NKD1: variants seen among roughly 807,000 people sequenced by gnomAD.
NKD1 encodes the protein protein naked cuticle homolog 1.
In NKD1, 21 loss-of-function variants were observed where a neutral mutation model predicts 56.0. The observed-to-expected ratio is 0.38, with a 90% CI of 0.27 to 0.54. The LOEUF (loss-of-function observed/expected upper bound fraction) is 0.54. Among genes scored for constraint, NKD1 ranks in the 20% least tolerant of loss-of-function variants. NKD1 has a pLI of 0.82. For missense variants in NKD1, 578 were observed against 642.7 expected (o/e 0.90, Z 1.09); for synonymous variants, 263 against 265.7 (o/e 0.99, Z 0.10).
At chr16:50,579,871 C>G (rs1961079012) in intron 3 of NKD1, among the ~76,000 whole-genome samples, 1 of 148,130 alleles carries the variant, frequency 6.8e-6, no homozygotes, top group South Asian at 2.2e-4. Context: ...CTCTTAGTCT[C>G]CTGGGCTACC....
intron 3 of NKD1, among the ~76,000 whole-genome samples, chr16:50,596,086 C>T (rs1296221600): frequency 6.6e-6 from 1 of 152,188 alleles, no homozygotes; most frequent in African/African-American, 2.4e-5. Flanking sequence ...ATTACACAGC[C>T]CCTGGCTTCC....
At position 50,598,553 on chromosome 16, in the gene NKD1, A is replaced by C. The variant is rs977832868; in HGVS notation, c.193-9741A>C. ...CTGCCTGTCATAAGCAGCCTGGCTC[A>C]GGGCCACCCTGTCGGCAGGTCACAC... On this transcript the variant is annotated intron_variant, in intron 3 of 9. Transcript: ENST00000268459. This position sits in a 1 kb window ranked among gnomAD's most constrained non-coding sequence, Gnocchi z 4.2. Among the ~76,000 whole-genome samples the C allele has an allele frequency of 8.5e-5, 13 of 152,160 alleles. No individual in the cohort carries two copies. Among genetic ancestry groups the C allele is most frequent in the African/African-American group, 3.1e-4 (13 of 41,454 alleles).
chr16:50,549,576 C>T (rs768228314), intron 3 of NKD1, 21 bp downstream of exon 3: 1 of 1,550,296 alleles, frequency 6.5e-7, no homozygotes, highest in East Asian at 2.3e-5. Flanking sequence ...CCACCCCTGC[C>T]CCACCTCCTG....
At chr16:50,579,721 G>T (rs559001560) in intron 3 of NKD1, among the ~76,000 whole-genome samples, 6 of 147,542 alleles carry the variant, frequency 4.1e-5, no homozygotes, top group Non-Finnish European at 7.4e-5. Context: ...CGCTACACAC[G>T]CACTCTAACC....
In NKD1 at chr16:50,639,138, G is replaced by A. The variant is rs955879613; in HGVS notation, c.*5357G>A. 1.3e-5 allele frequency: 2 copies of A among 152,156 alleles called. No homozygotes were observed. The highest frequency in any genetic ancestry group is 3.9e-4 in the East Asian group (2 of 5,174). The allele number at this position is 152,156 out of a possible 1,614,324, so 9.4% of individuals were successfully genotyped here. On this transcript the variant is annotated 3_prime_UTR_variant, in exon 10 of 10. Transcript: ENST00000268459. ...CTGATGATGCTGAGTGGTGGGTCTG[G>A]GGTGTGGCCCAGGCATCATGATGTT...
chr16:50,586,472 C>T (rs1000485807), intron 3 of NKD1, among the ~76,000 whole-genome samples: 15 of 152,118 alleles, frequency 9.9e-5, no homozygotes, highest in Non-Finnish European at 1.8e-4. Context: ...CACCGTGAGC[C>T]ACGTGTCTGC....
intron 7 of NKD1, among the ~76,000 whole-genome samples, chr16:50,630,549 G>A (rs1962321519): frequency 6.6e-6 from 1 of 152,152 alleles, no homozygotes; most frequent in Non-Finnish European, 1.5e-5. Flanking sequence ...GCAGAGCCAT[G>A]CAGCTGGAGT....
At position 50,639,778 on chromosome 16, in the gene NKD1, G is replaced by C. The variant is rs1962544066; in HGVS notation, c.*5997G>C. 1 of 152,224 alleles carries C rather than the reference G, an allele frequency of 6.6e-6. No individual in the cohort carries two copies. The highest frequency in any genetic ancestry group is 1.9e-4 in the East Asian group (1 of 5,192). The allele number at this position is 152,224 out of a possible 1,614,324, so 9.4% of individuals were successfully genotyped here. On this transcript the variant is annotated 3_prime_UTR_variant, in exon 10 of 10. Transcript: ENST00000268459. ...TGAGACCCCTAAGGTCCTCCAACTA[G>C]GGTGGGTCCACAGTGGCCCCTGGTG... is the stretch of plus-strand genomic sequence containing the variant.
chr16:50,550,695 G>A (rs888292733), intron 3 of NKD1, among the ~76,000 whole-genome samples: 2 of 152,086 alleles, frequency 1.3e-5, no homozygotes, highest in Non-Finnish European at 1.5e-5. Context: ...TGGTGGGCGG[G>A]GGGCACTGCA....
chr16:50,604,425 A>G (rs1487582719), intron 3 of NKD1, among the ~76,000 whole-genome samples: 1 of 152,214 alleles, frequency 6.6e-6, no homozygotes, highest in Non-Finnish European at 1.5e-5. Flanking sequence ...GGCTTGTCCC[A>G]GCAGTGTTCT....
chr16:50,566,267 C>G, intron 3 of NKD1: 1 of 709,052 alleles, frequency 1.4e-6, no homozygotes, highest in Non-Finnish European at 1.7e-6. Context: ...GATCCACCAG[C>G]CCAAACTATG....
intron 4 of NKD1, 88 bp from the exon 5 acceptor site, chr16:50,621,514 C>CCAGG (rs1962087870): frequency 2.2e-6 from 2 of 898,520 alleles, no homozygotes; most frequent in Non-Finnish European, 3.5e-6. Context: ...AATGTCCAGG[C>CCAGG]CAGGCATGGA....
intron 3 of NKD1, chr16:50,566,120 G>A (rs961340935): frequency 7.1e-6 from 7 of 983,816 alleles, no homozygotes; most frequent in Non-Finnish European, 8.4e-6. Context: ...CAGCTTCAGG[G>A]GGAGCTTGTG....
At chr16:50,610,808 G>T (rs1271806270) in intron 4 of NKD1, among the ~76,000 whole-genome samples, 2 of 152,224 alleles carry the variant, frequency 1.3e-5, no homozygotes, top group African/African-American at 4.8e-5. Flanking sequence ...GGAGGGATGG[G>T]AGATTAAGGC....
At position 50,598,100 on chromosome 16, in the gene NKD1, G is replaced by A. The variant is rs1961512294; in HGVS notation, c.193-10194G>A. On this transcript the variant is annotated intron_variant, in intron 3 of 9. Coordinates refer to ENST00000268459, the MANE Select transcript of NKD1 (RefSeq NM_033119.5). This position sits in a 1 kb window ranked among gnomAD's most constrained non-coding sequence, Gnocchi z 4.2. ...TGACAAGTTTCTTAGAGCTATTTTG[G>A]GGACAAGGGGACAGAAGGGGCCAGG... Among the ~76,000 whole-genome samples, 1 of 152,074 alleles carries A rather than the reference G, an allele frequency of 6.6e-6. No individual in the cohort carries two copies. The highest frequency in any genetic ancestry group is 1.5e-5 in the Non-Finnish European group (1 of 67,996).
chr16:50,624,711 T>C (rs1962170915), intron 5 of NKD1, among the ~76,000 whole-genome samples: 1 of 152,182 alleles, frequency 6.6e-6, no homozygotes, highest in African/African-American at 2.4e-5. Flanking sequence ...AGGAGCCATG[T>C]AGCATGCGCT....
At chr16:50,574,925 T>G (rs1341477197) in intron 3 of NKD1, 5 of 985,092 alleles carry the variant, frequency 5.1e-6, no homozygotes, top group East Asian at 2.3e-4. Flanking sequence ...CCTTGGAAAC[T>G]TTTTCCTTTT....
rs1243833131 is a variant in NKD1 at position 50,548,629 on chromosome 16, C to T, written c.25+51C>T. ...CCCCGGGCCCCGCCGCCGTCGCCGC[C>T]GCGGTCGCTAACTCTCTCCCTTCCT... On this transcript the variant is annotated intron_variant, in intron 1 of 9. Coordinates refer to ENST00000268459, the MANE Select transcript of NKD1 (RefSeq NM_033119.5). 7 of 1,445,392 alleles carry T rather than the reference C, an allele frequency of 4.8e-6. No homozygotes were observed. In the South Asian group the frequency reaches 9.5e-5, roughly 20 times the overall value. 89.5% of individuals were successfully genotyped at this position (1,445,392 alleles called of 1,614,324 possible).
chr16:50,618,056 G>T (rs1397468069), intron 4 of NKD1, among the ~76,000 whole-genome samples: 1 of 152,162 alleles, frequency 6.6e-6, no homozygotes. Flanking sequence ...AAAACAGGAG[G>T]TGGGCCAGGT....
Sources: gnomAD v4.1 joint callset for allele counts (sites outside exome capture counted in the v4.1 genomes callset) on GRCh38, gnomAD v4.1.1 for gene constraint, Gnocchi (gnomAD v3.1) non-coding constraint, MANE v1.5 for transcripts, NCBI Gene and HGNC (gene_info 2026-07-23, HGNC 2026-07-21) for gene names.